The following ATAD2B variants were observed in gnomAD, a reference collection of about 807,000 sequenced individuals.
ATAD2B encodes ATPase family AAA domain containing 2B.
ATAD2B carries 40 observed loss-of-function variants against 167.6 expected under a neutral mutation model. The ratio of observed to expected loss-of-function variants is 0.24; its 90% CI spans 0.19 to 0.31. The LOEUF (loss-of-function observed/expected upper bound fraction) is 0.31. Among genes scored for constraint, ATAD2B ranks in the 10% least tolerant of loss-of-function variants. The pLI, the probability that ATAD2B is intolerant of heterozygous loss-of-function variation, is 1.00. For missense variants in ATAD2B, 1,242 were observed against 1,757.2 expected, an observed-to-expected ratio of 0.71 and a Z score of 5.24; for synonymous variants, 579 against 596.5, an observed-to-expected ratio of 0.97 and a Z score of 0.43.
intron 19 of ATAD2B, among the ~76,000 whole-genome samples, chr2:23,789,229 G>C (rs897758887): frequency 1.3e-5 from 2 of 152,016 alleles, no homozygotes; most frequent in Non-Finnish European, 2.9e-5. Context: ...CCATCCACTT[G>C]GTGATTACTC....
intron 12 of ATAD2B, among the ~76,000 whole-genome samples, chr2:23,860,101 GC>G (rs978415363): frequency 6.6e-6 from 1 of 152,106 alleles, no homozygotes; most frequent in African/African-American, 2.4e-5. Context: ...TAGTGGGTTT[GC>G]CCCCATCTTG....
Position 23,926,972 on chromosome 2 carries a change from G to T in ATAD2B, c.-202C>A. On this transcript the variant is annotated 5_prime_UTR_variant, in exon 1 of 28. Transcript: ENST00000238789. ...CGTGAGCAGGCGGCGTGCGGGAAGC[G>T]GGGGCGGTGCTGCAGACCGGCAGCA... The T allele has an allele frequency of 3.3e-6, 2 of 604,918 alleles. No individual in the cohort carries two copies. Among genetic ancestry groups the T allele is most frequent in the Non-Finnish European group, 5.4e-6 (2 of 370,906 alleles). 37.5% of individuals were successfully genotyped at this position (604,918 alleles called of 1,614,324 possible).
chr2:23,748,008 T>G (rs1674990836), downstream of ATAD2B, among the ~76,000 whole-genome samples: 1 of 152,168 alleles, frequency 6.6e-6, no homozygotes, highest in Non-Finnish European at 1.5e-5. Context: ...AAATATGTTT[T>G]GCAGGTTTAT....
chr2:23,865,184 T>C (rs1411917745), intron 10 of ATAD2B, among the ~76,000 whole-genome samples: 1 of 152,112 alleles, frequency 6.6e-6, no homozygotes, highest in Non-Finnish European at 1.5e-5. Context: ...TTAATAGGTA[T>C]CTATAGGAGA....
At chr2:23,848,344 G>A (rs1432715038) in intron 13 of ATAD2B, among the ~76,000 whole-genome samples, 2 of 152,076 alleles carry the variant, frequency 1.3e-5, no homozygotes, top group Non-Finnish European at 2.9e-5. Flanking sequence ...GCCAGGCATG[G>A]TGGCGTGCAC....
At chr2:23,848,654 G>C (rs1017825703) in intron 13 of ATAD2B, among the ~76,000 whole-genome samples, 3 of 152,118 alleles carry the variant, frequency 2.0e-5, no homozygotes, top group Non-Finnish European at 4.4e-5. Context: ...ATAATAAACA[G>C]TAATGGCTAA....
At position 23,819,699 on chromosome 2, in the gene ATAD2B, T is replaced by A. The variant is rs780478358; in HGVS notation, c.2267+48A>T. Reference sequence around the variant, plus strand: ...ATATACCATAATTCTAATCATAAAGTATCAAAAATCACTCTAAATACAAAG... The same window carrying A: ...ATATACCATAATTCTAATCATAAAGAATCAAAAATCACTCTAAATACAAAG... On this transcript the variant is annotated intron_variant, in intron 17 of 27. Transcript: ENST00000238789. The A allele has an allele frequency of 5.0e-6, 7 of 1,395,370 alleles. No homozygotes were observed. In the African/African-American group the frequency reaches 1.0e-4, roughly 20 times the overall value. 86.4% of individuals were successfully genotyped at this position (1,395,370 alleles called of 1,614,324 possible).
the ATAD2B span, among the ~76,000 whole-genome samples, chr2:23,723,492 G>A: frequency 1.7e-4 from 15 of 88,230 alleles, no homozygotes; most frequent in African/African-American, 6.0e-4. Context: ...AGGAAGGGAG[G>A]AAAAGGAGGG....
chr2:23,678,885 T>C, the ATAD2B span, among the ~76,000 whole-genome samples: 3 of 152,042 alleles, frequency 2.0e-5, no homozygotes, highest in Non-Finnish European at 4.4e-5. Flanking sequence ...GAAAGTAGAA[T>C]GGTGGTTGCC....
At chr2:23,730,265 A>C in the ATAD2B span, among the ~76,000 whole-genome samples, 1 of 152,232 alleles carries the variant, frequency 6.6e-6, no homozygotes, top group Non-Finnish European at 1.5e-5. Flanking sequence ...AAATCTGAGA[A>C]ATCCCAAATA....
chr2:23,743,895 G>A (rs1397547642), downstream of ATAD2B, among the ~76,000 whole-genome samples: 1 of 151,934 alleles, frequency 6.6e-6, no homozygotes, highest in Non-Finnish European at 1.5e-5. Flanking sequence ...CAAAATGCTG[G>A]GAATAAAGGC....
the ATAD2B span, among the ~76,000 whole-genome samples, chr2:23,737,299 G>C: frequency 6.6e-6 from 1 of 152,184 alleles, no homozygotes; most frequent in Middle Eastern, 3.2e-3. Context: ...GGCACTCCCA[G>C]TAGGAGCGGA....
chr2:23,749,669 GTTCCTATACTGAGGTTGCCTCCA>G lies in ATAD2B; in HGVS notation c.*2354_*2376del, dbSNP rs2149286360. Reference sequence around the variant, plus strand: ...AAGACCTAAACTGTTCAAAGTGGCAGTTCCTATACTGAGGTTGCCTCCAATTTCTCCATCTACATTACGGTTAA... The same window carrying G: ...AAGACCTAAACTGTTCAAAGTGGCAGATTTCTCCATCTACATTACGGTTAA... On this transcript the variant is annotated 3_prime_UTR_variant, in exon 28 of 28. Coordinates refer to ENST00000238789, the MANE Select transcript of ATAD2B (RefSeq NM_017552.4). 6.6e-6 allele frequency: 1 copy of G among 152,150 alleles called. No individual in the cohort carries two copies. The highest frequency in any genetic ancestry group is 2.1e-4 in the South Asian group (1 of 4,824). The allele number at this position is 152,150 out of a possible 1,614,324, so 9.4% of individuals were successfully genotyped here.
intron 1 of ATAD2B, chr2:23,901,252 C>T (rs1700796602): frequency 6.6e-6 from 1 of 152,132 alleles, no homozygotes; most frequent in Non-Finnish European, 1.5e-5. Context: ...ATCTGTGATA[C>T]AGAAACTAGT....
chr2:23,925,068 GA>G (rs142147959), intron 1 of ATAD2B, among the ~76,000 whole-genome samples: 2,969 of 152,240 alleles, frequency 0.02, 37 homozygotes, highest in Non-Finnish European at 0.031. Context: ...TAAATGTACA[GA>G]AAAGATCTTT....
chr2:23,898,007 T>G (rs1332564549), intron 1 of ATAD2B, among the ~76,000 whole-genome samples: 1 of 152,202 alleles, frequency 6.6e-6, no homozygotes, highest in Non-Finnish European at 1.5e-5. Flanking sequence ...TCAATCTATG[T>G]GATCATGGCT....
At chr2:23,877,092 A>G (rs1192860697) in intron 7 of ATAD2B, among the ~76,000 whole-genome samples, 1 of 151,802 alleles carries the variant, frequency 6.6e-6, no homozygotes, top group Non-Finnish European at 1.5e-5. Context: ...AAAGAAAGAA[A>G]GAAATTTAGC....
the ATAD2B span, among the ~76,000 whole-genome samples, chr2:23,705,511 A>C: frequency 6.6e-6 from 1 of 151,830 alleles, no homozygotes; most frequent in African/African-American, 2.4e-5. Context: ...AAAGAATGGG[A>C]AAGACTTAAC....
the ATAD2B span, among the ~76,000 whole-genome samples, chr2:23,726,706 A>G: frequency 6.6e-6 from 1 of 152,252 alleles, no homozygotes; most frequent in Non-Finnish European, 1.5e-5. Flanking sequence ...GTGCTACAAC[A>G]TAGATGAAAC....
Sources: allele counts gnomAD v4.1 joint callset (sites outside exome capture counted in the v4.1 genomes callset), GRCh38; gene constraint gnomAD v4.1.1; transcripts MANE v1.5; gene names NCBI Gene and HGNC (gene_info 2026-07-23, HGNC 2026-07-21).